The following TANC2 variants were observed in gnomAD, a reference collection of about 807,000 sequenced individuals.
TANC2 encodes tetratricopeptide repeat, ankyrin repeat and coiled-coil containing 2, also known as protein TANC2.
In TANC2, 26 loss-of-function variants were observed where a neutral mutation model predicts 210.5. The ratio of observed to expected loss-of-function variants is 0.12; its 90% CI spans 0.09 to 0.17. TANC2 has a LOEUF of 0.17. Ranked by LOEUF, TANC2 falls within the 10% of genes least tolerant of loss-of-function variation. The probability of loss-of-function intolerance (pLI) is 1.00; values close to 1 mark genes in which losing one functional copy is unlikely to be tolerated. For missense variants in TANC2, 2,129 were observed against 2,608.9 expected (o/e 0.82, Z 4.01); for synonymous variants, 931 against 967.1 (o/e 0.96, Z 0.69).
At chr17:63,111,881 A>C (rs1319411090) in intron 4 of TANC2, among the ~76,000 whole-genome samples, 2 of 152,012 alleles carry the variant, frequency 1.3e-5, no homozygotes, top group African/African-American at 2.4e-5. Context: ...GTGCACCACC[A>C]TGCCCAGCTA....
chr17:63,106,354 A>G (rs766145725), intron 4 of TANC2, among the ~76,000 whole-genome samples: 1 of 151,696 alleles, frequency 6.6e-6, no homozygotes, highest in Non-Finnish European at 1.5e-5. Context: ...TTCTGAATAT[A>G]GTAAAGAATG....
chr17:63,269,322 G>T (rs2043625381), intron 9 of TANC2, among the ~76,000 whole-genome samples: 1 of 152,068 alleles, frequency 6.6e-6, no homozygotes, highest in Non-Finnish European at 1.5e-5. Flanking sequence ...TTACAGTCCA[G>T]AAAATGGAAA....
At chr17:62,979,069 T>TC (rs1379769289) in intron 1 of TANC2, among the ~76,000 whole-genome samples, 1 of 152,224 alleles carries the variant, frequency 6.6e-6, no homozygotes, top group Admixed American at 6.5e-5. Context: ...TCCTTTTTTT[T>TC]CATGCAGCAT....
intron 1 of TANC2, among the ~76,000 whole-genome samples, chr17:63,009,094 ATAGT>A (rs1204740548): frequency 1.4e-4 from 22 of 152,226 alleles, no homozygotes; most frequent in African/African-American, 4.8e-4. Context: ...ATATTTAAAC[ATAGT>A]TAATTATCTT....
At chr17:63,212,794 A>G (rs759834386) in intron 7 of TANC2, among the ~76,000 whole-genome samples, 1 of 152,258 alleles carries the variant, frequency 6.6e-6, no homozygotes, top group Non-Finnish European at 1.5e-5. Flanking sequence ...TCCATAGACC[A>G]AATGAATAAT....
chr17:63,061,858 A>G (rs1448428429), intron 2 of TANC2, among the ~76,000 whole-genome samples: 1 of 152,028 alleles, frequency 6.6e-6, no homozygotes, highest in African/African-American at 2.4e-5. Flanking sequence ...TCTTTCTCTT[A>G]AGATCATTTT....
intron 8 of TANC2, among the ~76,000 whole-genome samples, chr17:63,249,405 A>G (rs934807521): frequency 6.6e-6 from 1 of 152,180 alleles, no homozygotes; most frequent in Non-Finnish European, 1.5e-5. Flanking sequence ...TTATCAGAGT[A>G]GGCAGTCTAC....
At chr17:63,377,364 C>A (rs2047458002) in intron 14 of TANC2, among the ~76,000 whole-genome samples, 1 of 152,152 alleles carries the variant, frequency 6.6e-6, no homozygotes, top group South Asian at 2.1e-4. Flanking sequence ...TGCTCTGTTA[C>A]CTCTTGAATG....
At chr17:63,407,547 A>G (rs569695307) in intron 21 of TANC2, among the ~76,000 whole-genome samples, 1 of 152,226 alleles carries the variant, frequency 6.6e-6, no homozygotes, top group Non-Finnish European at 1.5e-5. Context: ...AGACATTTTC[A>G]TCTTTGGACT....
At chr17:63,339,306 A>C (rs1464896431) in intron 11 of TANC2, among the ~76,000 whole-genome samples, 1 of 152,150 alleles carries the variant, frequency 6.6e-6, no homozygotes, top group Non-Finnish European at 1.5e-5. Flanking sequence ...GTCCAGATTA[A>C]AATCCCCTTT....
intron 5 of TANC2, chr17:63,154,099 A>G (rs1441623374): frequency 6.6e-6 from 1 of 152,188 alleles, no homozygotes; most frequent in Non-Finnish European, 1.5e-5. Flanking sequence ...TGGGAAAAAT[A>G]CAAGCAAACA....
intron 15 of TANC2, chr17:63,387,917 G>A (rs917004446): frequency 6.6e-6 from 1 of 152,196 alleles, no homozygotes; most frequent in Non-Finnish European, 1.5e-5. Flanking sequence ...ATTAGTTAAG[G>A]TGAAGAACAC....
chr17:63,056,666 G>C (rs1161279223), intron 2 of TANC2, among the ~76,000 whole-genome samples: 1 of 152,104 alleles, frequency 6.6e-6, no homozygotes, highest in South Asian at 2.1e-4. Context: ...GTGACAGAGC[G>C]AAACCCTGTC....
At chr17:63,268,442 A>G (rs566095286) in intron 9 of TANC2, among the ~76,000 whole-genome samples, 11 of 152,344 alleles carry the variant, frequency 7.2e-5, no homozygotes, top group Non-Finnish European at 1.3e-4. Context: ...TAAGGTGTGT[A>G]TGAAACATAT....
At chr17:63,130,187 T>A (rs1057433246) in intron 4 of TANC2, among the ~76,000 whole-genome samples, 1 of 152,290 alleles carries the variant, frequency 6.6e-6, no homozygotes, top group South Asian at 2.1e-4. Context: ...ATCTTAATCA[T>A]TTTTGTTGTT....
intron 7 of TANC2, among the ~76,000 whole-genome samples, chr17:63,233,540 C>T (rs9904800): frequency 1.5e-3 from 231 of 152,342 alleles, no homozygotes; most frequent in African/African-American, 5.4e-3. Context: ...CTCTCCATGG[C>T]TCACGCCAAC....
chr17:63,334,445 T>G (rs973917225), intron 11 of TANC2, among the ~76,000 whole-genome samples: 1 of 152,062 alleles, frequency 6.6e-6, no homozygotes, highest in Non-Finnish European at 1.5e-5. Context: ...AAGCCCATAC[T>G]TATTAAATCA....
chr17:63,296,540 C>T (rs1030238086), intron 9 of TANC2, among the ~76,000 whole-genome samples: 1 of 152,110 alleles, frequency 6.6e-6, no homozygotes, highest in Non-Finnish European at 1.5e-5. Context: ...AAAGTTTGGC[C>T]TATTCACTGG....
At chr17:63,211,173 C>T (rs778682515) in intron 7 of TANC2, among the ~76,000 whole-genome samples, 173 of 152,292 alleles carry the variant, frequency 1.1e-3, no homozygotes, top group Non-Finnish European at 1.9e-3. Context: ...AAATCAATTA[C>T]TCATTTGACT....
Sources: allele counts gnomAD v4.1 joint callset (sites outside exome capture counted in the v4.1 genomes callset), GRCh38; gene constraint gnomAD v4.1.1; transcripts MANE v1.5; gene names NCBI Gene and HGNC (gene_info 2026-07-23, HGNC 2026-07-21).